The following HIVEP3 variants were observed in gnomAD, a reference collection of about 807,000 sequenced individuals.
HIVEP3 encodes HIVEP zinc finger 3.
In HIVEP3, 49 loss-of-function variants were observed where a neutral mutation model predicts 152.8. That is an observed-to-expected ratio of 0.32 (90% CI 0.26 to 0.41). HIVEP3 has a LOEUF of 0.41. Ranked by LOEUF, HIVEP3 falls within the 10% of genes least tolerant of loss-of-function variation. HIVEP3 has a pLI of 1.00. For synonymous variants in HIVEP3, 1,269 were observed against 1,289.0 expected, an observed-to-expected ratio of 0.98 and a Z score of 0.33; for missense variants, 2,790 against 3,103.3, an observed-to-expected ratio of 0.90 and a Z score of 2.40.
At chr1:41,721,267 G>A (rs969966707) in intron 1 of HIVEP3, among the ~76,000 whole-genome samples, 1 of 151,890 alleles carries the variant, frequency 6.6e-6, no homozygotes, top group African/African-American at 2.4e-5. Context: ...GAGTGCAATG[G>A]AGCGATCTCG....
intron 1 of HIVEP3, among the ~76,000 whole-genome samples, chr1:41,854,771 G>C (rs1210499745): frequency 2.9e-5 from 2 of 67,940 alleles, no homozygotes; most frequent in Non-Finnish European, 5.4e-5. Context: ...GAGAATATGC[G>C]GTGTTTGGTT....
chr1:41,733,216 T>G (rs1179534734), intron 1 of HIVEP3, among the ~76,000 whole-genome samples: 1 of 151,726 alleles, frequency 6.6e-6, no homozygotes, highest in Admixed American at 6.6e-5. Flanking sequence ...TGAGACATAG[T>G]GACAGAGTGG....
intron 1 of HIVEP3, among the ~76,000 whole-genome samples, chr1:41,991,591 C>A (rs1645361844): frequency 6.7e-6 from 1 of 149,228 alleles, no homozygotes; most frequent in Non-Finnish European, 1.5e-5. Flanking sequence ...TGGTACCATT[C>A]CTTCTGAAAC....
chr1:41,993,125 T>C (rs1187884977), intron 1 of HIVEP3, among the ~76,000 whole-genome samples: 11 of 150,946 alleles, frequency 7.3e-5, no homozygotes, highest in African/African-American at 2.2e-4. Context: ...AAAGCAATGG[T>C]AACAAAAGAC....
At chr1:41,831,946 A>G (rs1642976475) in intron 1 of HIVEP3, among the ~76,000 whole-genome samples, 1 of 152,204 alleles carries the variant, frequency 6.6e-6, no homozygotes, top group South Asian at 2.1e-4. Flanking sequence ...CATCGAACTA[A>G]TAAGTAAGTG....
At chr1:41,547,345 C>T (rs1187421817) in intron 5 of HIVEP3, among the ~76,000 whole-genome samples, 1 of 152,084 alleles carries the variant, frequency 6.6e-6, no homozygotes, top group African/African-American at 2.4e-5. Context: ...ATCAGTCGGT[C>T]TTGGGGTTTG....
At chr1:41,592,119 C>T (rs963763999) in intron 3 of HIVEP3, among the ~76,000 whole-genome samples, 5 of 152,110 alleles carry the variant, frequency 3.3e-5, no homozygotes, top group Admixed American at 6.5e-5. Context: ...CACAGGCAGC[C>T]GGCTGCCTCC....
At chr1:41,764,877 C>T (rs1409787944) in intron 1 of HIVEP3, among the ~76,000 whole-genome samples, 1 of 152,176 alleles carries the variant, frequency 6.6e-6, no homozygotes, top group Admixed American at 6.5e-5. Context: ...GGCTCGGCAG[C>T]CAGAGCCATC....
chr1:41,790,342 A>G (rs349434), intron 1 of HIVEP3, among the ~76,000 whole-genome samples: 46,688 of 152,008 alleles, frequency 0.31, 10,410 homozygotes, highest in African/African-American at 0.63. Flanking sequence ...CTCTACCATG[A>G]GTGGAAGCAG....
intron 1 of HIVEP3, among the ~76,000 whole-genome samples, chr1:41,817,361 A>G (rs1430309218): frequency 1.3e-5 from 2 of 152,178 alleles, no homozygotes; most frequent in African/African-American, 4.8e-5. Context: ...AGGAGTTGCA[A>G]TGAAACCTGA....
chr1:41,853,497 A>G (rs1405269576), intron 1 of HIVEP3, among the ~76,000 whole-genome samples: 1 of 152,190 alleles, frequency 6.6e-6, no homozygotes, highest in Non-Finnish European at 1.5e-5. Flanking sequence ...ACTCACTATC[A>G]TGAGAACAGC....
chr1:41,751,642 T>C (rs1446757637), intron 1 of HIVEP3, among the ~76,000 whole-genome samples: 2 of 152,034 alleles, frequency 1.3e-5, no homozygotes, highest in African/African-American at 4.8e-5. Flanking sequence ...AGCTTAAGAC[T>C]CACCCAGCCA....
intron 1 of HIVEP3, among the ~76,000 whole-genome samples, chr1:41,812,607 A>C (rs1031385062): frequency 6.6e-6 from 1 of 151,942 alleles, no homozygotes; most frequent in African/African-American, 2.4e-5. Context: ...TCCCATCTGG[A>C]CACTTCATTT....
At chr1:41,805,252 G>T (rs932668773) in intron 1 of HIVEP3, among the ~76,000 whole-genome samples, 1 of 152,228 alleles carries the variant, frequency 6.6e-6, no homozygotes, top group African/African-American at 2.4e-5. Flanking sequence ...CAGGAGAATT[G>T]CTTGAACCCA....
intron 1 of HIVEP3, among the ~76,000 whole-genome samples, chr1:42,003,608 C>A (rs1466078720): frequency 6.6e-6 from 1 of 152,122 alleles, no homozygotes; most frequent in Non-Finnish European, 1.5e-5. Flanking sequence ...GGCACAGATC[C>A]TGAAATCATG....
chr1:41,824,792 G>T (rs1264384439), intron 1 of HIVEP3, among the ~76,000 whole-genome samples: 40 of 29,150 alleles, frequency 1.4e-3, no homozygotes, highest in African/African-American at 3.9e-3. Flanking sequence ...TATAGAGAGA[G>T]AGAGAGAGAG....
intron 1 of HIVEP3, among the ~76,000 whole-genome samples, chr1:41,708,391 G>A (rs886843734): frequency 2.0e-5 from 3 of 152,144 alleles, no homozygotes; most frequent in Non-Finnish European, 4.4e-5. Flanking sequence ...GGGGAAATCA[G>A]CTCTCCTGGT....
intron 1 of HIVEP3, among the ~76,000 whole-genome samples, chr1:41,884,116 C>T (rs1263772790): frequency 6.6e-6 from 1 of 152,070 alleles, no homozygotes; most frequent in Non-Finnish European, 1.5e-5. Context: ...CAGGAGCACA[C>T]CACCATGCCT....
In HIVEP3 at chr1:41,746,844, C is replaced by T. The variant is rs1033968249; in HGVS notation, c.-800-45849G>A. Among the ~76,000 whole-genome samples, 8 of 152,186 alleles carry T rather than the reference C, an allele frequency of 5.3e-5. No homozygotes were observed. The South Asian group carries it at 8.3e-4, about 16-fold the overall frequency. ...TGGCTGCCACTATCACTATCTCAGC[C>T]GTGGGCCAGCCCTCAGGTAACGGCT... is the stretch of plus-strand genomic sequence containing the variant. On this transcript the variant is annotated intron_variant, in intron 1 of 8. Coordinates refer to ENST00000372583, the MANE Select transcript of HIVEP3 (RefSeq NM_024503.5).
Sources: allele counts gnomAD v4.1 joint callset (sites outside exome capture counted in the v4.1 genomes callset), GRCh38; gene constraint gnomAD v4.1.1; transcripts MANE v1.5; gene names NCBI Gene and HGNC (gene_info 2026-07-23, HGNC 2026-07-21).